Variants in FIGNL2 observed in about 807,000 individuals in gnomAD.
FIGNL2 encodes fidgetin-like protein 2.
For missense variants in FIGNL2, 1,060 were observed against 950.2 expected (o/e 1.12, Z -1.52); for synonymous variants, 565 against 484.0 (o/e 1.17, Z -2.20).
chr12:51,821,874 G>C lies in FIGNL2; in HGVS notation c.540C>G (p.Pro180=), dbSNP rs1028811074. ...GYCAQTGAAL[P]PPPPAALLQP... ...GCAGGAGCGCGGCCGGGGGCGGCGGGGGCAGCGCGGCGCCCGTCTGCGCGC... is the reference window on the plus strand; with the variant it reads ...GCAGGAGCGCGGCCGGGGGCGGCGGCGGCAGCGCGGCGCCCGTCTGCGCGC... The change falls in exon 2 of 2, where the codon CCC becomes CCG. Residue 180 remains proline, a synonymous_variant. Coordinates refer to ENST00000618634, the MANE Select transcript of FIGNL2 (RefSeq NM_001384995.1). 5.3e-6 allele frequency: 7 copies of C among 1,320,158 alleles called. No homozygotes were observed. Among genetic ancestry groups the C allele is most frequent in the East Asian group, 3.2e-5 (1 of 31,614 alleles). The allele number at this position is 1,320,158 out of a possible 1,614,324, so 81.8% of individuals were successfully genotyped here.
rs1246189962 is a variant in FIGNL2 at position 51,821,924 on chromosome 12, C to G, written c.490G>C (p.Gly164Arg). 6.7e-7 allele frequency: 1 copy of G among 1,503,002 alleles called. No individual in the cohort carries two copies. The highest frequency in any genetic ancestry group is 8.9e-7 in the Non-Finnish European group (1 of 1,127,976). The allele number at this position is 1,503,002 out of a possible 1,614,324, so 93.1% of individuals were successfully genotyped here. A position where few individuals can be genotyped will look rare whatever the true frequency, so the allele number is the denominator to read the frequency against. The change falls in exon 2 of 2, where the codon GGG becomes CGG. Residue 164 changes from glycine to arginine, a missense_variant. Coordinates refer to ENST00000618634, the MANE Select transcript of FIGNL2 (RefSeq NM_001384995.1). ...CAGTAACCCGGCGCCAGGTACCCCCCGCCGTAGCCGGCCGCGTACTCGGGC... is the reference window on the plus strand; with the variant it reads ...CAGTAACCCGGCGCCAGGTACCCCCGGCCGTAGCCGGCCGCGTACTCGGGC... ...AAPEYAAGYG[G>R]GYLAPGYCAQ...
intron 1 of FIGNL2, chr12:51,845,352 T>C (rs1939730080): frequency 2.0e-6 from 1 of 511,384 alleles, no homozygotes; most frequent in Non-Finnish European, 2.5e-6. Flanking sequence ...AGGGTCCCTC[T>C]GCCCTGATCT....
At chr12:51,843,390 A>AG (rs1357365605) in intron 1 of FIGNL2, among the ~76,000 whole-genome samples, 1 of 151,696 alleles carries the variant, frequency 6.6e-6, no homozygotes, top group Non-Finnish European at 1.5e-5. Context: ...TACAAAAAAA[A>AG]AAAAAAAATT....
intron 1 of FIGNL2, 75 bp from the exon 2 acceptor site, chr12:51,822,499 A>G: frequency 6.5e-7 from 1 of 1,548,410 alleles, no homozygotes; most frequent in Non-Finnish European, 8.8e-7. Flanking sequence ...GCCATAGGCC[A>G]GTCCGCCTAG....
chr12:51,843,382 C>CAAA (rs61653181), intron 1 of FIGNL2, among the ~76,000 whole-genome samples: 13 of 145,114 alleles, frequency 9.0e-5, no homozygotes, highest in Non-Finnish European at 2.0e-4. Context: ...ACTAAAAATA[C>CAAA]AAAAAAAAAA....
rs1376450016 is a variant in FIGNL2 at position 51,821,979 on chromosome 12, G to C, written c.435C>G (p.Ala145=). ...LAGNLPEPLY[A]GNACGGPSAA... ...CCGATGGGCCCCCGCACGCATTGCC[G>C]GCGTAGAGGGGTTCAGGGAGGTTCC... The change falls in exon 2 of 2, where the codon GCC becomes GCG. Residue 145 remains alanine (A), a synonymous_variant. Transcript: ENST00000618634. 1 of 1,567,818 alleles carries C rather than the reference G, an allele frequency of 6.4e-7. No homozygotes were observed. The highest frequency in any genetic ancestry group is 8.6e-7 in the Non-Finnish European group (1 of 1,158,112).
Position 51,821,064 on chromosome 12 carries a change from G to A in FIGNL2, c.1350C>T (p.Gly450=), listed in dbSNP as rs1457597763. Residue 450 remains glycine (G), a synonymous_variant, in exon 2 of 2, where the codon GGC becomes GGT. Transcript: ENST00000618634. ...LLGRCLATQL[G]ATLLRLRGAT... is the part of the protein sequence containing the mutation. ...CGCCGCGCAGGCGCAACAGCGTGGCGCCCAGCTGCGTGGCGAGGCAGCGGC... is the reference window on the plus strand; with the variant it reads ...CGCCGCGCAGGCGCAACAGCGTGGCACCCAGCTGCGTGGCGAGGCAGCGGC... 2.2e-5 allele frequency: 28 copies of A among 1,270,672 alleles called. No homozygotes were observed. Among genetic ancestry groups the A allele is most frequent in the Non-Finnish European group, 2.8e-5 (28 of 1,011,892 alleles). The allele number at this position is 1,270,672 out of a possible 1,614,324, so 78.7% of individuals were successfully genotyped here.
At position 51,821,787 on chromosome 12, in the gene FIGNL2, G is replaced by T; in HGVS notation, c.627C>A (p.Gly209=). The T allele has an allele frequency of 7.8e-7, 1 of 1,276,536 alleles. No homozygotes were observed. The highest frequency in any genetic ancestry group is 1.6e-5 in the African/African-American group (1 of 64,042). 79.1% of individuals were successfully genotyped at this position (1,276,536 alleles called of 1,614,324 possible). ...SAPLYNYPAG[G]YAAQPGYGAL... ...CGCCATAGCCGGGCTGCGCTGCGTA[G>T]CCCCCTGCGGGATAGTTGTACAGCG... The change falls in exon 2 of 2, where the codon GGC becomes GGA. Residue 209 remains glycine (G), a synonymous_variant. Transcript: ENST00000618634.
intron 1 of FIGNL2, among the ~76,000 whole-genome samples, chr12:51,830,854 T>C (rs1449560302): frequency 6.6e-6 from 1 of 151,986 alleles, no homozygotes; most frequent in Non-Finnish European, 1.5e-5. Context: ...AGTGGCGAGA[T>C]CACCACAGCC....
rs553700551 is a variant in FIGNL2, at chr12:51,820,409, G to C, written c.*43C>G. 27 of 1,553,784 alleles carry C rather than the reference G, an allele frequency of 1.7e-5. No individual in the cohort carries two copies. In the African/African-American group the frequency reaches 3.7e-4, roughly 21 times the overall value. On this transcript the variant is annotated 3_prime_UTR_variant, in exon 2 of 2. Transcript: ENST00000618634. ...ACATCCCTCCCACGCGGAGGCGGCG[G>C]GGACGGAGGGACTGCGGCTCCCGCG... is the stretch of plus-strand genomic sequence containing the variant.
chr12:51,821,852 G>C lies in FIGNL2; in HGVS notation c.562C>G (p.Leu188Val). ...TACCCCGGAGGCGGTGGGGGCTGCA[G>C]GAGCGCGGCCGGGGGCGGCGGGGGC... ...ALPPPPPAAL[L>V]QPPPPPGYGP... is the part of the protein sequence containing the mutation. The change falls in exon 2 of 2, where the codon CTG (leucine) becomes GTG (valine). Residue 188 changes from leucine to valine, a missense_variant. Transcript: ENST00000618634. 7.7e-7 allele frequency: 1 copy of C among 1,293,650 alleles called. No homozygotes were observed. Among genetic ancestry groups the C allele is most frequent in the African/African-American group, 1.6e-5 (1 of 64,110 alleles). The allele number at this position is 1,293,650 out of a possible 1,614,324, so 80.1% of individuals were successfully genotyped here.
At chr12:51,826,832 C>T (rs1253929319) in intron 1 of FIGNL2, among the ~76,000 whole-genome samples, 5 of 152,280 alleles carry the variant, frequency 3.3e-5, no homozygotes, top group Admixed American at 1.3e-4. Context: ...GTGAGATTGC[C>T]TTACCTGCAC....
chr12:51,826,294 C>T (rs1255649593), intron 1 of FIGNL2, among the ~76,000 whole-genome samples: 1 of 152,036 alleles, frequency 6.6e-6, no homozygotes, highest in Non-Finnish European at 1.5e-5. Context: ...GCATCATTGT[C>T]TACATGCAGT....
chr12:51,848,253 C>A (rs943464162), intron 1 of FIGNL2: 1 of 984,954 alleles, frequency 1.0e-6, no homozygotes, highest in East Asian at 1.1e-4. Context: ...GCTTTCGCTG[C>A]AGCCCCCGCA....
intron 1 of FIGNL2, among the ~76,000 whole-genome samples, chr12:51,839,784 C>G (rs182892281): frequency 6.6e-6 from 1 of 152,152 alleles, no homozygotes; most frequent in South Asian, 2.1e-4. Flanking sequence ...CCATTCCCTC[C>G]GCTGCTCAGC....
chr12:51,836,398 G>C (rs1939579834), intron 1 of FIGNL2, among the ~76,000 whole-genome samples: 1 of 149,320 alleles, frequency 6.7e-6, no homozygotes, highest in African/African-American at 2.4e-5. Context: ...CCCAAGGACA[G>C]ATGGGGGCCA....
chr12:51,821,187 C>G lies in FIGNL2; in HGVS notation c.1227G>C (p.Val409=). 1 of 1,517,148 alleles carries G rather than the reference C, an allele frequency of 6.6e-7. No homozygotes were observed. Among genetic ancestry groups the G allele is most frequent in the Non-Finnish European group, 8.8e-7 (1 of 1,139,452 alleles). The allele number at this position is 1,517,148 out of a possible 1,614,324, so 94.0% of individuals were successfully genotyped here. A position where few individuals can be genotyped will look rare whatever the true frequency, so the allele number is the denominator to read the frequency against. ...AGGCGGGCGGCCTGAGCAGGGGCCA[C>G]ACCAGCTCCTCCTCCAGCGCCGCCT... ...ALKAALEEEL[V]WPLLRPPAYP... is the part of the protein sequence containing the mutation. The change falls in exon 2 of 2, where the codon GTG becomes GTC. Residue 409 remains valine (V), a synonymous_variant. Coordinates refer to ENST00000618634, the MANE Select transcript of FIGNL2 (RefSeq NM_001384995.1).
In FIGNL2 at chr12:51,820,286, T is replaced by G. The variant is rs1300857300; in HGVS notation, c.*166A>C. ...ATGGCATCTGCCTGGCAGAAGCATT[T>G]TCCTTCCCACGAAAAAAAAAATATC... On this transcript the variant is annotated 3_prime_UTR_variant, in exon 2 of 2. Transcript: ENST00000618634. 1.1e-6 allele frequency: 1 copy of G among 915,912 alleles called. No homozygotes were observed. The highest frequency in any genetic ancestry group is 1.7e-5 in the African/African-American group (1 of 57,342). 56.7% of individuals were successfully genotyped at this position (915,912 alleles called of 1,614,324 possible). A position where few individuals can be genotyped will look rare whatever the true frequency, so the allele number is the denominator to read the frequency against.
rs1216973350 is a variant in FIGNL2, at chr12:51,818,298, G to A, written c.*2154C>T. On this transcript the variant is annotated 3_prime_UTR_variant, in exon 2 of 2. Transcript: ENST00000618634. ...GGAGCCTAGTAGAGAAAGCGGTGGG[G>A]ACTCCACCTCCCAGAGCTCCCTGCC... 1 of 152,130 alleles carries A rather than the reference G, an allele frequency of 6.6e-6. No homozygotes were observed. The highest frequency in any genetic ancestry group is 1.5e-5 in the Non-Finnish European group (1 of 68,054). 9.4% of individuals were successfully genotyped at this position (152,130 alleles called of 1,614,324 possible). A position where few individuals can be genotyped will look rare whatever the true frequency, so the allele number is the denominator to read the frequency against.
Sources: gnomAD v4.1 joint callset for allele counts (sites outside exome capture counted in the v4.1 genomes callset) on GRCh38, gnomAD v4.1.1 for gene constraint, MANE v1.5 for transcripts, NCBI Gene and HGNC (gene_info 2026-07-23, HGNC 2026-07-21) for gene names.